Variants in ZEB1 observed in about 807,000 individuals in gnomAD.
ZEB1 encodes zinc finger E-box-binding homeobox 1.
A neutral mutation model predicts 84.9 loss-of-function variants in ZEB1; 21 were observed. The observed-to-expected ratio is 0.25, with a 90% CI of 0.18 to 0.36. The LOEUF is 0.36. ZEB1 is among the 10% of genes least tolerant of loss of function. ZEB1 has a pLI of 1.00. For missense variants in ZEB1, 1,104 were observed against 1,330.2 expected, an observed-to-expected ratio of 0.83 and a Z score of 2.65; for synonymous variants, 420 against 471.1, an observed-to-expected ratio of 0.89 and a Z score of 1.41.
At chr10:31,497,058 T>C (rs920918370) in intron 3 of ZEB1, among the ~76,000 whole-genome samples, 2 of 152,134 alleles carry the variant, frequency 1.3e-5, no homozygotes, top group Non-Finnish European at 2.9e-5. Flanking sequence ...ATGAATAATG[T>C]ATTCAGATAT....
At chr10:31,523,812 G>T in intron 7 of ZEB1, 121 bp from the exon 8 acceptor site, 2 of 1,186,030 alleles carry the variant, frequency 1.7e-6, no homozygotes, top group Non-Finnish European at 2.4e-6. Context: ...GCTTGCTTTG[G>T]TCAAGTCCTT....
In ZEB1 at chr10:31,399,430, G is replaced by A. The variant is rs74905658; in HGVS notation, c.59-61607G>A. ...AATCAGCCTTGGTGTCACCAAGGAT[G>A]CCTGTCCTCCTTTCATTCCACATAT... On this transcript the variant is annotated intron_variant, in intron 1 of 8. Coordinates refer to ENST00000424869, the MANE Select transcript of ZEB1 (RefSeq NM_001174096.2). Among the ~76,000 whole-genome samples, 152 of 152,172 alleles carry A rather than the reference G, an allele frequency of 1.0e-3. 1 individual carries two copies. In the East Asian group the frequency reaches 0.021, roughly 21 times the overall value.
intron 1 of ZEB1, among the ~76,000 whole-genome samples, chr10:31,399,349 A>C (rs1183773799): frequency 6.6e-6 from 1 of 151,824 alleles, no homozygotes; most frequent in African/African-American, 2.4e-5. Flanking sequence ...TCTTTCCCCC[A>C]CCAAAACCTC....
At position 31,356,595 on chromosome 10, in the gene ZEB1, G is replaced by A. The variant is rs143812600; in HGVS notation, c.58+37303G>A. Among the ~76,000 whole-genome samples the A allele has an allele frequency of 1.1e-4, 17 of 152,132 alleles. No homozygotes were observed. The East Asian group carries it at 1.3e-3, about 12-fold the overall frequency. On this transcript the variant is annotated intron_variant, in intron 1 of 8. Coordinates refer to ENST00000424869, the MANE Select transcript of ZEB1 (RefSeq NM_001174096.2). ...ACTGCTGGTTAAATTAAAAGATGCC[G>A]GAGGAAACATTTTGGAAACAGACTT...
chr10:31,460,921 T>G, intron 1 of ZEB1, 116 bp from the exon 2 acceptor site: 1 of 881,158 alleles, frequency 1.1e-6, no homozygotes, highest in Non-Finnish European at 1.8e-6. Flanking sequence ...TAACATTATT[T>G]AAAAGAAAAC....
intron 1 of ZEB1, among the ~76,000 whole-genome samples, chr10:31,351,481 G>A (rs1264306273): frequency 6.6e-6 from 1 of 152,018 alleles, no homozygotes; most frequent in Non-Finnish European, 1.5e-5. Context: ...TAAGAATTAT[G>A]AAGACTGTAT....
intron 1 of ZEB1, among the ~76,000 whole-genome samples, chr10:31,404,490 G>A (rs982430173): frequency 1.3e-5 from 2 of 151,990 alleles, no homozygotes; most frequent in Admixed American, 6.6e-5. Context: ...CCTTCTACTT[G>A]AAGGAATTTG....
intron 7 of ZEB1, among the ~76,000 whole-genome samples, chr10:31,522,189 T>TA (rs2072556978): frequency 6.6e-6 from 1 of 152,206 alleles, no homozygotes; most frequent in African/African-American, 2.4e-5. Context: ...AAGTCCCAGC[T>TA]AAAAACCTGT....
At chr10:31,484,885 G>A (rs576176142) in intron 2 of ZEB1, among the ~76,000 whole-genome samples, 94 of 151,994 alleles carry the variant, frequency 6.2e-4, no homozygotes, top group Non-Finnish European at 1.1e-3. Context: ...ATGGTAATTA[G>A]GTTATCATGT....
At chr10:31,491,464 C>A (rs193160446) in intron 2 of ZEB1, among the ~76,000 whole-genome samples, 13 of 151,972 alleles carry the variant, frequency 8.6e-5, no homozygotes, top group Admixed American at 7.2e-4. Context: ...GCTCCTTGAG[C>A]CTAAACTATA....
At chr10:31,420,312 TC>T (rs2055939587) in intron 1 of ZEB1, among the ~76,000 whole-genome samples, 1 of 152,160 alleles carries the variant, frequency 6.6e-6, no homozygotes, top group Admixed American at 6.6e-5. Context: ...AGCTGGCTCC[TC>T]TGCTTAAGGC....
intron 1 of ZEB1, among the ~76,000 whole-genome samples, chr10:31,390,361 A>G (rs1713851511): frequency 6.6e-6 from 1 of 152,146 alleles, no homozygotes. Context: ...CCTGTAAACT[A>G]GAAGATATCT....
At chr10:31,440,533 C>T (rs1397981527) in intron 1 of ZEB1, among the ~76,000 whole-genome samples, 2 of 152,122 alleles carry the variant, frequency 1.3e-5, no homozygotes, top group African/African-American at 4.8e-5. Flanking sequence ...TCCTATTCAA[C>T]ATATTGTTGG....
chr10:31,433,118 TA>T (rs1430940801), intron 1 of ZEB1, among the ~76,000 whole-genome samples: 1 of 152,224 alleles, frequency 6.6e-6, no homozygotes, highest in African/African-American at 2.4e-5. Flanking sequence ...ATAGTTACAT[TA>T]AAAAATCACT....
chr10:31,524,515 T>G (rs185674029), intron 8 of ZEB1, among the ~76,000 whole-genome samples: 22 of 152,260 alleles, frequency 1.4e-4, no homozygotes, highest in Admixed American at 1.1e-3. Flanking sequence ...GACCCAGAAT[T>G]AATTTTCTTA....
At chr10:31,461,366 G>T in intron 2 of ZEB1, 129 bp downstream of exon 2, 2 of 948,466 alleles carry the variant, frequency 2.1e-6, no homozygotes, top group South Asian at 3.2e-5. Flanking sequence ...TAAATATTAG[G>T]TGTCCTACTT....
chr10:31,408,768 G>T (rs1000914951), intron 1 of ZEB1, among the ~76,000 whole-genome samples: 12 of 149,010 alleles, frequency 8.1e-5, no homozygotes, highest in African/African-American at 2.3e-4. Context: ...AGACTTAAAC[G>T]TTAGACCTAA....
intron 1 of ZEB1, among the ~76,000 whole-genome samples, chr10:31,405,250 A>G (rs187184542): frequency 1.6e-3 from 242 of 152,274 alleles, no homozygotes; most frequent in Middle Eastern, 0.014. Context: ...AATTTACCCA[A>G]GTATTGGAGA....
At chr10:31,439,760 G>C (rs1005663459) in intron 1 of ZEB1, among the ~76,000 whole-genome samples, 4 of 152,162 alleles carry the variant, frequency 2.6e-5, no homozygotes, top group Non-Finnish European at 5.9e-5. Context: ...ATTACAGGTA[G>C]AGTGATATGA....
Sources: allele counts gnomAD v4.1 joint callset (sites outside exome capture counted in the v4.1 genomes callset), GRCh38; gene constraint gnomAD v4.1.1; transcripts MANE v1.5; gene names NCBI Gene and HGNC (gene_info 2026-07-23, HGNC 2026-07-21).